Variants in SCN8A observed in about 807,000 individuals in gnomAD.
SCN8A encodes the protein sodium channel protein type 8 subunit alpha.
In SCN8A, 30 loss-of-function variants were observed where a neutral mutation model predicts 184.1. The observed-to-expected ratio is 0.16, with a 90% CI of 0.12 to 0.22. The LOEUF (loss-of-function observed/expected upper bound fraction) is 0.22. Ranked by LOEUF, SCN8A falls within the 10% of genes least tolerant of loss-of-function variation. The pLI, the probability that SCN8A is intolerant of heterozygous loss-of-function variation, is 1.00. For synonymous variants in SCN8A, 852 were observed against 907.0 expected (o/e 0.94, Z 1.09); for missense variants, 1,057 against 2,498.9 (o/e 0.42, Z 12.30).
At chr12:51,634,086 G>C (rs1403156127) in intron 1 of SCN8A, among the ~76,000 whole-genome samples, 2 of 152,170 alleles carry the variant, frequency 1.3e-5, no homozygotes, top group Non-Finnish European at 2.9e-5. Context: ...AATTATCTTA[G>C]AGTCAAACAA....
At chr12:51,630,981 T>C (rs1445765161) in intron 1 of SCN8A, among the ~76,000 whole-genome samples, 3 of 152,202 alleles carry the variant, frequency 2.0e-5, no homozygotes, top group African/African-American at 7.2e-5. Flanking sequence ...TTCTCTAAAA[T>C]AATTTGTTAC....
chr12:51,642,870 G>T (rs1398986626), intron 1 of SCN8A, among the ~76,000 whole-genome samples: 2 of 151,872 alleles, frequency 1.3e-5, no homozygotes, highest in African/African-American at 2.4e-5. Flanking sequence ...ATATCCTCCA[G>T]TAACCATTTA....
At chr12:51,716,366 A>G (rs1338267899) in intron 11 of SCN8A, among the ~76,000 whole-genome samples, 1 of 152,128 alleles carries the variant, frequency 6.6e-6, no homozygotes, top group Non-Finnish European at 1.5e-5. Flanking sequence ...AAAACAATAA[A>G]AAATAAAGTA....
At position 51,769,126 on chromosome 12, in the gene SCN8A, C is replaced by T. The variant is rs370141803; in HGVS notation, c.3163C>T (p.Arg1055Trp). 37 of 1,613,120 alleles carry T rather than the reference C, an allele frequency of 2.3e-5. No homozygotes were observed. Among genetic ancestry groups the T allele is most frequent in the Non-Finnish European group, 2.9e-5 (34 of 1,179,572 alleles). ...IANHTGADIH[R>W]NGDFQKNGNG... ...CAATCACACCGGTGCAGACATCCAC[C>T]GGAATGGTGACTTCCAGAAGAATGG... is the stretch of plus-strand genomic sequence containing the variant. Residue 1055 changes from arginine to tryptophan, a missense_variant, in exon 17 of 27, where the codon CGG becomes TGG. Physicochemically the swap from Arg to Trp is moderately radical, Grantham distance 101. This residue lies in a region of SCN8A where 178 missense variants were observed against 259.6 expected (regional missense o/e 0.69). Coordinates refer to ENST00000627620, the MANE Select transcript of SCN8A (RefSeq NM_001330260.2).
At chr12:51,680,176 A>G (rs1440768482) in intron 2 of SCN8A, among the ~76,000 whole-genome samples, 1 of 152,328 alleles carries the variant, frequency 6.6e-6, no homozygotes, top group Non-Finnish European at 1.5e-5. Context: ...TATTTTTGTT[A>G]ACAGAAAAAC....
chr12:51,709,426 CAGTGTT>C (rs1941836747), intron 11 of SCN8A, among the ~76,000 whole-genome samples: 1 of 152,120 alleles, frequency 6.6e-6, no homozygotes, highest in Admixed American at 6.6e-5. Flanking sequence ...AACGGATAAA[CAGTGTT>C]AGAGAAGCTG....
intron 1 of SCN8A, among the ~76,000 whole-genome samples, chr12:51,637,132 A>G (rs1940335055): frequency 6.6e-6 from 1 of 152,160 alleles, no homozygotes; most frequent in Admixed American, 6.5e-5. Context: ...GGGTGCCATG[A>G]ACCACACTCA....
intron 11 of SCN8A, chr12:51,712,647 A>G: frequency 1.3e-6 from 1 of 798,834 alleles, no homozygotes; most frequent in Non-Finnish European, 2.2e-6. Flanking sequence ...CCACCGCCAA[A>G]ATTTCCTCCT....
At chr12:51,652,604 A>G (rs1328672551) in intron 1 of SCN8A, among the ~76,000 whole-genome samples, 1 of 152,170 alleles carries the variant, frequency 6.6e-6, no homozygotes, top group Non-Finnish European at 1.5e-5. Flanking sequence ...AACTGCTTGC[A>G]GTACCCAAGT....
At chr12:51,658,104 T>C (rs184173313) in intron 1 of SCN8A, among the ~76,000 whole-genome samples, 17 of 152,258 alleles carry the variant, frequency 1.1e-4, no homozygotes, top group African/African-American at 4.1e-4. Flanking sequence ...TCAAGGTCTT[T>C]TGTGGTTCCA....
At chr12:51,612,721 T>C (rs1389488520) in intron 1 of SCN8A, among the ~76,000 whole-genome samples, 1 of 152,068 alleles carries the variant, frequency 6.6e-6, no homozygotes, top group African/African-American at 2.4e-5. Flanking sequence ...TTGGATATGA[T>C]TTGCTAATAT....
At position 51,808,634 on chromosome 12, in the gene SCN8A, C is replaced by G. The variant is rs2138947556; in HGVS notation, c.*1205C>G. 1 of 152,240 alleles carries G rather than the reference C, an allele frequency of 6.6e-6. No homozygotes were observed. The highest frequency in any genetic ancestry group is 2.1e-4 in the South Asian group (1 of 4,828). 9.4% of individuals were successfully genotyped at this position (152,240 alleles called of 1,614,324 possible). A position where few individuals can be genotyped will look rare whatever the true frequency, so the allele number is the denominator to read the frequency against. The stretch of plus-strand genomic sequence containing the variant: ...CTTTTCAAAGTAGCACCAGTTATCT[C>G]TAGGGGTAATTTGGGGAACTTAAAA... On this transcript the variant is annotated 3_prime_UTR_variant, in exon 27 of 27. Coordinates refer to ENST00000627620, the MANE Select transcript of SCN8A (RefSeq NM_001330260.2).
intron 12 of SCN8A, among the ~76,000 whole-genome samples, chr12:51,723,845 CT>C (rs1256417755): frequency 1.7e-5 from 1 of 57,598 alleles, no homozygotes; most frequent in Admixed American, 2.4e-4. Context: ...GAGACTCCAT[CT>C]TAAAAAAAAA....
At chr12:51,758,717 C>A (rs183179180) in intron 14 of SCN8A, among the ~76,000 whole-genome samples, 1 of 152,254 alleles carries the variant, frequency 6.6e-6, no homozygotes, top group African/African-American at 2.4e-5. Flanking sequence ...GGATTATAGG[C>A]GTGAGCCACC....
At chr12:51,743,648 G>A (rs141427128) in intron 12 of SCN8A, among the ~76,000 whole-genome samples, 106 of 152,276 alleles carry the variant, frequency 7.0e-4, no homozygotes, top group African/African-American at 2.5e-3. Context: ...ACAGGGTCTC[G>A]CCCAAGGCCC....
At chr12:51,712,641 C>T (rs183806567) in intron 11 of SCN8A, 156 of 790,286 alleles carry the variant, frequency 2.0e-4, no homozygotes, top group East Asian at 1.9e-3. Context: ...TAGTTACCAC[C>T]GCCAAAATTT....
intron 12 of SCN8A, among the ~76,000 whole-genome samples, chr12:51,741,747 G>A (rs182037923): frequency 6.6e-6 from 1 of 151,978 alleles, no homozygotes; most frequent in Admixed American, 6.6e-5. Context: ...TTTCACTCTT[G>A]TTGCCCAGGC....
chr12:51,770,910 C>G (rs143738599), intron 19 of SCN8A, among the ~76,000 whole-genome samples: 17 of 152,290 alleles, frequency 1.1e-4, no homozygotes. Flanking sequence ...TCATGTGTCC[C>G]CACTGCCTGG....
At chr12:51,654,274 T>G (rs138461956) in intron 1 of SCN8A, among the ~76,000 whole-genome samples, 1 of 152,212 alleles carries the variant, frequency 6.6e-6, no homozygotes, top group Non-Finnish European at 1.5e-5. Flanking sequence ...ACAGATCCAA[T>G]GTTATGAAGC....
Sources: allele counts gnomAD v4.1 joint callset (sites outside exome capture counted in the v4.1 genomes callset), GRCh38; gene constraint gnomAD v4.1.1; regional missense constraint gnomAD v4.1.1; transcripts MANE v1.5; gene names NCBI Gene and HGNC (gene_info 2026-07-23, HGNC 2026-07-21).